Variants in ABCA2 observed in about 807,000 individuals in gnomAD.
ABCA2 encodes the protein ATP-binding cassette sub-family A member 2.
ABCA2 carries 84 observed loss-of-function variants against 262.8 expected under a neutral mutation model. The observed-to-expected ratio is 0.32, with a 90% CI of 0.27 to 0.38. ABCA2 has a LOEUF of 0.38. ABCA2 is among the 10% of genes least tolerant of loss of function. The pLI is 1.00. For missense variants in ABCA2, 2,662 were observed against 3,405.9 expected (o/e 0.78, Z 5.44); for synonymous variants, 1,696 against 1,502.9 (o/e 1.13, Z -2.97).
chr9:137,013,617 C>T, intron 28 of ABCA2, 54 bp from the exon 29 acceptor site: 2 of 1,529,522 alleles, frequency 1.3e-6, no homozygotes, highest in Admixed American at 1.9e-5. Flanking sequence ...GCCAGCGGCC[C>T]CCAAGCCTCG....
chr9:137,015,365 C>T (rs1037807213), intron 24 of ABCA2, 49 bp downstream of exon 24: 36 of 1,514,290 alleles, frequency 2.4e-5, no homozygotes, highest in Non-Finnish European at 3.0e-5. Context: ...AGGTGGGGGT[C>T]CCGGGGAGAA....
In ABCA2 at chr9:137,018,750, C is replaced by T. The variant is rs780295062; in HGVS notation, c.1788G>A (p.Gln596=). 7 of 1,612,038 alleles carry T rather than the reference C, an allele frequency of 4.3e-6. 1 individual carries two copies. The South Asian group carries it at 7.7e-5, about 18-fold the overall frequency. The change falls in exon 13 of 49, where the codon CAG becomes CAA. Residue 596 remains glutamine (Q), a synonymous_variant. Transcript: ENST00000341511. ...AAACAGTGACGTTGTCCTGGTAGGC[C>T]TGGTTGAGGGTGTAGTTGACAATGC... The part of the protein sequence containing the change: ...EESIVNYTLN[Q]AYQDNVTVFA...
In ABCA2 at chr9:137,023,681, C is replaced by T. The variant is rs1358173094; in HGVS notation, c.163+157G>A. The T allele has an allele frequency of 7.3e-6, 5 of 686,948 alleles. No individual in the cohort carries two copies. The Admixed American group carries it at 1.0e-4, about 14-fold the overall frequency. The allele number at this position is 686,948 out of a possible 1,614,324, so 42.6% of individuals were successfully genotyped here. ...CTCCCTACCACCTCCCACTTCACTG[C>T]CTGCCACCCCCCATCTGGAGCCAGC... is the stretch of plus-strand genomic sequence containing the variant. On this transcript the variant is annotated intron_variant, in intron 3 of 48. Transcript: ENST00000341511.
upstream of ABCA2, among the ~76,000 whole-genome samples, chr9:137,028,479 C>T (rs1485761001): frequency 6.6e-6 from 1 of 151,198 alleles, no homozygotes; most frequent in Non-Finnish European, 1.5e-5. This position sits in a 1 kb window ranked among gnomAD's most constrained non-coding sequence, Gnocchi z 6.9. Flanking sequence ...ACGCGACGCG[C>T]CCACATCGAA....
At chr9:137,025,604 C>T (rs758889894) in intron 1 of ABCA2, among the ~76,000 whole-genome samples, 7 of 152,218 alleles carry the variant, frequency 4.6e-5, no homozygotes, top group East Asian at 1.9e-4. Flanking sequence ...AGCCTCCACC[C>T]GCTCCCTGAG....
At chr9:137,022,330 T>C (rs766675459) in intron 6 of ABCA2, 21 bp downstream of exon 6, 2 of 1,582,490 alleles carry the variant, frequency 1.3e-6, no homozygotes, top group Non-Finnish European at 1.7e-6. Flanking sequence ...TGGCCAGGGC[T>C]GGGAGCTGTC....
rs1166525364 is a variant in ABCA2, at chr9:137,022,070, CCGATGGACGTGTGGGGGCGTGGCTT to C, written c.568-94_568-70del. On this transcript the variant is annotated intron_variant, in intron 6 of 48. Coordinates refer to ENST00000341511, the MANE Select transcript of ABCA2 (RefSeq NM_001606.5). The stretch of plus-strand genomic sequence containing the variant: ...TGGCTCAGATGGTGGGGGCGTGGCT[CCGATGGACGTGTGGGGGCGTGGCTT>C]AGATGGTGGGGGCGTGGCTCAGAGA... The C allele has an allele frequency of 4.1e-5, 31 of 747,342 alleles. No homozygotes were observed. The African/African-American group carries it at 7.5e-4, about 18-fold the overall frequency. 46.3% of individuals were successfully genotyped at this position (747,342 alleles called of 1,614,324 possible). A position where few individuals can be genotyped will look rare whatever the true frequency, so the allele number is the denominator to read the frequency against.
chr9:137,018,346 T>C lies in ABCA2; in HGVS notation c.1825A>G (p.Ile609Val). 7.3e-7 allele frequency: 1 copy of C among 1,368,354 alleles called. No individual in the cohort carries two copies. Among genetic ancestry groups the C allele is most frequent in the Non-Finnish European group, 9.6e-7 (1 of 1,042,894 alleles). The allele number at this position is 1,368,354 out of a possible 1,614,324, so 84.8% of individuals were successfully genotyped here. A position where few individuals can be genotyped will look rare whatever the true frequency, so the allele number is the denominator to read the frequency against. The change falls in exon 14 of 49, where the codon ATC becomes GTC. Residue 609 changes from isoleucine to valine, a missense_variant. Transcript: ENST00000341511. ...GAGCCGTCCTTCCGGGTCTGGAAGA[T>C]CACACCTGGGGCCGGGAGGTTGGGG... ...QDNVTVFASVIFQTRKDGSLP... is the reference protein window; with the variant it reads ...QDNVTVFASVVFQTRKDGSLP...
Position 137,023,141 on chromosome 9 carries a change from G to C in ABCA2, c.164-89C>G. 2.8e-6 allele frequency: 3 copies of C among 1,056,066 alleles called. No homozygotes were observed. In the South Asian group the frequency reaches 4.2e-5, roughly 15 times the overall value. The allele number at this position is 1,056,066 out of a possible 1,614,324, so 65.4% of individuals were successfully genotyped here. A position where few individuals can be genotyped will look rare whatever the true frequency, so the allele number is the denominator to read the frequency against. On this transcript the variant is annotated intron_variant, in intron 3 of 48. Transcript: ENST00000341511. ...AGAAGGGGAGGGAGACAGAGGCCGA[G>C]AGGAGAAATTTAGAGAAAGTCAGGA... is the stretch of plus-strand genomic sequence containing the variant.
At position 137,018,163 on chromosome 9, in the gene ABCA2, G is replaced by C; in HGVS notation, c.1993+15C>G. On this transcript the variant is annotated intron_variant, in intron 14 of 48. Transcript: ENST00000341511. ...CCATGAATCCTCCAGCCGGTCTTCCGGGCCTGCTCCTCACCCTGGATCCAG... is the reference window on the plus strand; with the variant it reads ...CCATGAATCCTCCAGCCGGTCTTCCCGGCCTGCTCCTCACCCTGGATCCAG... 1.2e-6 allele frequency: 2 copies of C among 1,611,054 alleles called. No homozygotes were observed. Among genetic ancestry groups the C allele is most frequent in the South Asian group, 1.1e-5 (1 of 91,040 alleles).
Position 137,021,208 on chromosome 9 carries a change from G to A in ABCA2, c.898-147C>T, listed in dbSNP as rs1209154498. Reference sequence around the variant, plus strand: ...CTGCAGCCTGGGTAACGGGAGCCCAGGACAGGAGCTGGGATGGTGAGCAGG... The same window carrying A: ...CTGCAGCCTGGGTAACGGGAGCCCAAGACAGGAGCTGGGATGGTGAGCAGG... On this transcript the variant is annotated intron_variant, in intron 8 of 48. Transcript: ENST00000341511. The surrounding 1 kb of genome is among the most constrained non-coding windows in gnomAD (Gnocchi z 6.0). 2.2e-6 allele frequency: 3 copies of A among 1,343,430 alleles called. No homozygotes were observed. The African/African-American group carries it at 4.4e-5, about 20-fold the overall frequency. The allele number at this position is 1,343,430 out of a possible 1,614,324, so 83.2% of individuals were successfully genotyped here.
At position 137,014,407 on chromosome 9, in the gene ABCA2, G is replaced by C. The variant is rs1174639037; in HGVS notation, c.4004-3C>G. On this transcript the variant is annotated splice_polypyrimidine_tract_variant and splice_region_variant and intron_variant, in intron 26 of 48. Transcript: ENST00000341511. ...ATCCTTCCTGGACTCCTTCACATCTGCCGCAGTGGAAGGGCCGAGGGGACA... is the reference window on the plus strand; with the variant it reads ...ATCCTTCCTGGACTCCTTCACATCTCCCGCAGTGGAAGGGCCGAGGGGACA... The C allele has an allele frequency of 6.3e-7, 1 of 1,584,262 alleles. No homozygotes were observed. Among genetic ancestry groups the C allele is most frequent in the Admixed American group, 1.8e-5 (1 of 56,698 alleles).
chr9:137,009,715 G>A, intron 43 of ABCA2, 54 bp downstream of exon 43: 16 of 1,610,086 alleles, frequency 9.9e-6, no homozygotes, highest in Non-Finnish European at 1.4e-5. Context: ...CCCTGCCCGT[G>A]CTCACCAGGA....
chr9:137,012,033 C>A lies in ABCA2; in HGVS notation c.5361-15G>T. On this transcript the variant is annotated splice_polypyrimidine_tract_variant and intron_variant, in intron 34 of 48. Coordinates refer to ENST00000341511, the MANE Select transcript of ABCA2 (RefSeq NM_001606.5). ...TGCCCTGCAGCCTGGGGCAAGGAAG[C>A]CCTCAGTCCTCACGGCCGGGGCTGC... is the stretch of plus-strand genomic sequence containing the variant. 1 of 1,612,060 alleles carries A rather than the reference C, an allele frequency of 6.2e-7. No homozygotes were observed. The highest frequency in any genetic ancestry group is 8.5e-7 in the Non-Finnish European group (1 of 1,179,588).
chr9:137,018,777 C>G lies in ABCA2; in HGVS notation c.1761G>C (p.Glu587Asp), dbSNP rs772405519. The change falls in exon 13 of 49, where the codon GAG (glutamate) becomes GAC (aspartate). Residue 587 changes from glutamate to aspartate, a missense_variant. This residue lies in a region of ABCA2 where 187 missense variants were observed against 205.9 expected (regional missense o/e 0.91). Coordinates refer to ENST00000341511, the MANE Select transcript of ABCA2 (RefSeq NM_001606.5). Reference protein sequence around the residue: ...VDIFKGFPDEESIVNYTLNQA... With the variant: ...VDIFKGFPDEDSIVNYTLNQA... ...GGTTGAGGGTGTAGTTGACAATGCT[C>G]TCCTCGTCGGGGAAGCCCTTGAAGA... The G allele has an allele frequency of 1.9e-6, 3 of 1,612,672 alleles. No homozygotes were observed. Among genetic ancestry groups the G allele is most frequent in the East Asian group, 2.2e-5 (1 of 44,870 alleles).
Position 137,017,083 on chromosome 9 carries a change from G to A in ABCA2, c.2595C>T (p.Tyr865=), listed in dbSNP as rs1312492190. The A allele has an allele frequency of 1.9e-6, 3 of 1,612,630 alleles. No individual in the cohort carries two copies. The highest frequency in any genetic ancestry group is 1.3e-5 in the African/African-American group (1 of 74,932). The change falls in exon 19 of 49, where the codon TAC becomes TAT. Residue 865 remains tyrosine (Y), a synonymous_variant. Transcript: ENST00000341511. ...STTAFGLGSK[Y]FALYEVAGVG... The stretch of plus-strand genomic sequence containing the variant: ...CGCCGGCCACCTCATACAGCGCGAA[G>A]TACTTAGAGCCCAGACCAAAGGCCG...
At chr9:137,008,202 C>T (rs1360760123) in intron 48 of ABCA2, 1 of 806,554 alleles carries the variant, frequency 1.2e-6, no homozygotes, top group Admixed American at 2.0e-5. Context: ...CACCCTTGCT[C>T]TGTGCCCCTC....
At chr9:137,016,497 G>A (rs1831264287) in intron 20 of ABCA2, 26 bp from the exon 21 acceptor site, 2 of 1,612,534 alleles carry the variant, frequency 1.2e-6, no homozygotes, top group Non-Finnish European at 1.7e-6. Flanking sequence ...GGATCAGCAG[G>A]GTGGGGGCGG....
In ABCA2 at chr9:137,019,383, C is replaced by T; in HGVS notation, c.1426-77G>A. The T allele has an allele frequency of 6.5e-7, 1 of 1,544,178 alleles. No homozygotes were observed. On this transcript the variant is annotated intron_variant, in intron 10 of 48. Coordinates refer to ENST00000341511, the MANE Select transcript of ABCA2 (RefSeq NM_001606.5). This position sits in a 1 kb window ranked among gnomAD's most constrained non-coding sequence, Gnocchi z 4.4. ...TTGGGGGCTCTCACCCCACTCACCT[C>T]CCCAGTGGCTGGTCCATTGCCAACA...
Sources: gnomAD v4.1 joint callset for allele counts (sites outside exome capture counted in the v4.1 genomes callset) on GRCh38, gnomAD v4.1.1 for gene constraint, gnomAD v4.1.1 regional missense constraint, Gnocchi (gnomAD v3.1) non-coding constraint, MANE v1.5 for transcripts, NCBI Gene and HGNC (gene_info 2026-07-23, HGNC 2026-07-21) for gene names.